NUGGC: variants seen among roughly 807,000 people sequenced by gnomAD.
NUGGC encodes the protein nuclear GTPase, germinal center associated, also known as nuclear GTPase SLIP-GC.
NUGGC carries 58 observed loss-of-function variants against 92.6 expected under a neutral mutation model. That is an observed-to-expected ratio of 0.63 (90% CI 0.51 to 0.78). NUGGC has a LOEUF of 0.78. NUGGC is among the 30% of genes least tolerant of loss of function. The pLI is 0.00. For missense variants in NUGGC, 925 were observed against 964.6 expected (o/e 0.96, Z 0.54); for synonymous variants, 376 against 366.4 (o/e 1.03, Z -0.30).
chr8:28,072,792 A>G (rs1231485052), intron 2 of NUGGC, among the ~76,000 whole-genome samples: 1 of 151,992 alleles, frequency 6.6e-6, no homozygotes, highest in Non-Finnish European at 1.5e-5. Context: ...CCGAATTTAG[A>G]TCACAGATCT....
At chr8:28,063,630 G>T (rs762317306) in intron 7 of NUGGC, among the ~76,000 whole-genome samples, 2 of 152,150 alleles carry the variant, frequency 1.3e-5, no homozygotes, top group Non-Finnish European at 2.9e-5. Context: ...AAGGCTGTGT[G>T]GTCCTGGACA....
rs764216434 is a variant in NUGGC, at chr8:28,067,684, T to G, written c.541A>C (p.Arg181=). ...KLLHRTEELS[R]EEADAWNRDE... is the part of the protein sequence containing the mutation. ...CTGTTCCACGCATCTGCCTCTTCTC[T>G]GCTCAGCTCCTCCGTCCTATGCAGG... The change falls in exon 6 of 19, where the codon AGA becomes CGA. Residue 181 remains arginine (R), a synonymous_variant. Transcript: ENST00000413272. 2 of 1,614,062 alleles carry G rather than the reference T, an allele frequency of 1.2e-6. No individual in the cohort carries two copies. Among genetic ancestry groups the G allele is most frequent in the South Asian group, 2.2e-5 (2 of 91,086 alleles).
intron 10 of NUGGC, among the ~76,000 whole-genome samples, chr8:28,049,598 T>A (rs1442440864): frequency 6.6e-6 from 1 of 152,196 alleles, no homozygotes; most frequent in Non-Finnish European, 1.5e-5. Flanking sequence ...CATATTATTG[T>A]AAAAGAGAAG....
chr8:28,083,084 T>C (rs1810888782), intron 1 of NUGGC, among the ~76,000 whole-genome samples: 1 of 152,118 alleles, frequency 6.6e-6, no homozygotes, highest in Non-Finnish European at 1.5e-5. Flanking sequence ...AGAATAAAAC[T>C]CCCTGCTCCT....
chr8:28,024,264 C>T (rs1177276820), intron 18 of NUGGC, among the ~76,000 whole-genome samples: 2 of 144,386 alleles, frequency 1.4e-5, no homozygotes, highest in Admixed American at 7.2e-5. Flanking sequence ...AGGCTGGTCT[C>T]GAACTCTTGA....
At chr8:28,070,140 T>C in intron 3 of NUGGC, 112 bp downstream of exon 3, 1 of 1,457,038 alleles carries the variant, frequency 6.9e-7, no homozygotes, top group Non-Finnish European at 9.0e-7. Flanking sequence ...CCAAAACAGG[T>C]TTATTTGATG....
intron 1 of NUGGC, among the ~76,000 whole-genome samples, chr8:28,082,095 C>T (rs1810865760): frequency 6.6e-6 from 1 of 152,184 alleles, no homozygotes; most frequent in Non-Finnish European, 1.5e-5. Context: ...CTGCACTGCT[C>T]TTCCAAACTA....
At chr8:28,065,656 G>T (rs1349049620) in intron 6 of NUGGC, among the ~76,000 whole-genome samples, 2 of 152,014 alleles carry the variant, frequency 1.3e-5, no homozygotes, top group African/African-American at 2.4e-5. Context: ...TCGCAACTGG[G>T]GTACTTCAGA....
intron 1 of NUGGC, among the ~76,000 whole-genome samples, chr8:28,083,192 G>A (rs1004478228): frequency 6.6e-6 from 1 of 152,170 alleles, no homozygotes; most frequent in Non-Finnish European, 1.5e-5. Context: ...CCAGACAAGC[G>A]CTGCCTCTAC....
intron 2 of NUGGC, among the ~76,000 whole-genome samples, chr8:28,073,848 G>A (rs1810651933): frequency 6.6e-6 from 1 of 152,154 alleles, no homozygotes; most frequent in African/African-American, 2.4e-5. Context: ...GCCCAGGCTG[G>A]AGAGCAGTGG....
At chr8:28,067,436 G>T in intron 6 of NUGGC, 78 bp downstream of exon 6, 1 of 895,352 alleles carries the variant, frequency 1.1e-6, no homozygotes, top group Non-Finnish European at 1.8e-6. Flanking sequence ...TGTACCACAA[G>T]CCCATCCCCT....
intron 13 of NUGGC, among the ~76,000 whole-genome samples, chr8:28,040,638 TTTGTTTTTTGTTC>T (rs1809670252): frequency 6.6e-6 from 1 of 152,032 alleles, no homozygotes; most frequent in Admixed American, 6.5e-5. Flanking sequence ...TTTTTTGTTT[TTTGTTTTTTGTTC>T]TTGTTTTTTT....
intron 18 of NUGGC, among the ~76,000 whole-genome samples, chr8:28,024,201 T>C (rs1809194562): frequency 6.7e-6 from 1 of 149,720 alleles, no homozygotes; most frequent in Non-Finnish European, 1.5e-5. Flanking sequence ...CTTTCTTTTT[T>C]TTTTTTTTTT....
chr8:28,068,709 A>G (rs990569279), intron 4 of NUGGC, among the ~76,000 whole-genome samples: 1 of 152,142 alleles, frequency 6.6e-6, no homozygotes, highest in Non-Finnish European at 1.5e-5. Flanking sequence ...CTTTATTTGT[A>G]TTCACTGGAA....
intron 14 of NUGGC, 112 bp downstream of exon 14, chr8:28,033,428 C>G: frequency 9.5e-7 from 1 of 1,047,714 alleles, no homozygotes; most frequent in South Asian, 1.7e-5. Context: ...GTTTCCTTCT[C>G]CAGTTACAAG....
chr8:28,029,394 G>C lies in NUGGC; in HGVS notation c.2026C>G (p.Gln676Glu). ...DLKLCYEEAA[Q>E]ITGKKACERM... The stretch of plus-strand genomic sequence containing the variant: ...TCACACGCTTTTTTGCCCGTGATCT[G>C]AGCTGCCTCTGGCAAAAATGATAGC... Residue 676 changes from glutamine to glutamate, a missense_variant, in exon 17 of 19, where the codon CAG becomes GAG. Transcript: ENST00000413272. The C allele has an allele frequency of 6.2e-7, 1 of 1,612,330 alleles. No homozygotes were observed. Among genetic ancestry groups the C allele is most frequent in the Non-Finnish European group, 8.5e-7 (1 of 1,179,240 alleles).
intron 3 of NUGGC, among the ~76,000 whole-genome samples, chr8:28,069,880 T>A (rs1432156178): frequency 6.6e-6 from 1 of 152,242 alleles, no homozygotes; most frequent in Non-Finnish European, 1.5e-5. Context: ...GAAACTCTGG[T>A]AACAGAAGTT....
Position 28,077,674 on chromosome 8 carries a change from A to AT in NUGGC, c.-46-3219dup, listed in dbSNP as rs555939142. On this transcript the variant is annotated intron_variant, in intron 1 of 18. Transcript: ENST00000413272. ...TAACTCGTATGAAATGCTAGGCATC[A>AT]TATTATCACAGTGAGCACTGGAAGC... is the stretch of plus-strand genomic sequence containing the variant. Among the ~76,000 whole-genome samples the AT allele has an allele frequency of 2.7e-3, 404 of 152,358 alleles. 3 individuals carry two copies. Among genetic ancestry groups the AT allele is most frequent in the African/African-American group, 9.4e-3 (390 of 41,586 alleles).
chr8:28,082,749 T>G (rs914108164), intron 1 of NUGGC, among the ~76,000 whole-genome samples: 5 of 152,130 alleles, frequency 3.3e-5, no homozygotes, highest in African/African-American at 1.2e-4. Context: ...CTACAATTTT[T>G]TTTTTAATTA....
Sources: allele counts gnomAD v4.1 joint callset (sites outside exome capture counted in the v4.1 genomes callset), GRCh38; gene constraint gnomAD v4.1.1; transcripts MANE v1.5; gene names NCBI Gene and HGNC (gene_info 2026-07-23, HGNC 2026-07-21).